MTUS2: variants seen among roughly 807,000 people sequenced by gnomAD.
MTUS2 encodes microtubule-associated tumor suppressor candidate 2.
Under a neutral mutation model 114.1 loss-of-function variants are expected in MTUS2, and 40 were observed. The observed-to-expected ratio is 0.35, with a 90% CI of 0.27 to 0.46. The LOEUF is 0.46. Among genes scored for constraint, MTUS2 ranks in the 20% least tolerant of loss-of-function variants. MTUS2 has a pLI of 1.00. For missense variants in MTUS2, 1,679 were observed against 1,705.4 expected, an observed-to-expected ratio of 0.98 and a Z score of 0.27; for synonymous variants, 688 against 672.0, an observed-to-expected ratio of 1.02 and a Z score of -0.37.
At chr13:29,296,401 G>A (rs181268751) in intron 6 of MTUS2, among the ~76,000 whole-genome samples, 30 of 151,982 alleles carry the variant, frequency 2.0e-4, no homozygotes, top group Admixed American at 6.5e-5. Context: ...TGTAGAGATG[G>A]GGTCTTGCTA....
intron 2 of MTUS2, among the ~76,000 whole-genome samples, chr13:28,843,827 C>T (rs189289798): frequency 5.3e-4 from 81 of 152,252 alleles, no homozygotes; most frequent in African/African-American, 1.8e-3. Context: ...GGCACTGTGT[C>T]GTCTTTGGAA....
intron 5 of MTUS2, among the ~76,000 whole-genome samples, chr13:29,122,474 T>C (rs997604229): frequency 6.6e-6 from 1 of 152,062 alleles, no homozygotes; most frequent in African/African-American, 2.4e-5. Flanking sequence ...AACCATCAGA[T>C]CTCGTGAGAA....
intron 2 of MTUS2, among the ~76,000 whole-genome samples, chr13:28,890,682 G>C (rs1878866874): frequency 6.6e-6 from 1 of 152,142 alleles, no homozygotes; most frequent in Admixed American, 6.5e-5. Flanking sequence ...CTTACAATTA[G>C]ATTTTATTAG....
intron 5 of MTUS2, among the ~76,000 whole-genome samples, chr13:29,140,085 G>A (rs1194557866): frequency 6.6e-6 from 1 of 152,194 alleles, no homozygotes; most frequent in African/African-American, 2.4e-5. Flanking sequence ...GGCTGCTACA[G>A]ATGTCATTTA....
chr13:29,482,956 C>G (rs1023007926), intron 10 of MTUS2, among the ~76,000 whole-genome samples: 1 of 152,176 alleles, frequency 6.6e-6, no homozygotes, highest in Non-Finnish European at 1.5e-5. Context: ...AAATGCACCC[C>G]AGGCCAACAG....
At chr13:28,995,011 C>A (rs1239212425) in intron 2 of MTUS2, among the ~76,000 whole-genome samples, 15 of 152,262 alleles carry the variant, frequency 9.9e-5, no homozygotes, top group Admixed American at 9.8e-4. Flanking sequence ...CCTAGGTTTT[C>A]TTCTAGGGTT....
chr13:29,271,325 A>T (rs894507363), intron 5 of MTUS2, among the ~76,000 whole-genome samples: 2 of 152,110 alleles, frequency 1.3e-5, no homozygotes, highest in African/African-American at 4.8e-5. Flanking sequence ...TCTTCCATCT[A>T]TCTTTCTTCC....
chr13:28,961,530 C>T (rs917443785), intron 2 of MTUS2, among the ~76,000 whole-genome samples: 7 of 152,260 alleles, frequency 4.6e-5, no homozygotes, highest in African/African-American at 7.2e-5. Context: ...TTCCTTCCCA[C>T]CATTTGGCTA....
At chr13:29,067,245 A>AG (rs1040433991) in intron 4 of MTUS2, among the ~76,000 whole-genome samples, 2 of 152,004 alleles carry the variant, frequency 1.3e-5, no homozygotes, top group Non-Finnish European at 2.9e-5. Context: ...ATTCAGAGAG[A>AG]GGGGGGAGGA....
chr13:29,270,737 C>A (rs1186820494), intron 5 of MTUS2, among the ~76,000 whole-genome samples: 1 of 152,172 alleles, frequency 6.6e-6, no homozygotes, highest in Non-Finnish European at 1.5e-5. Context: ...TCACAAGGCC[C>A]TTTCTGTCGA....
At chr13:29,066,776 T>A (rs1338008769) in intron 4 of MTUS2, among the ~76,000 whole-genome samples, 3 of 152,250 alleles carry the variant, frequency 2.0e-5, no homozygotes, top group African/African-American at 7.2e-5. Context: ...TATAAAGAGA[T>A]AAATCAGTAA....
chr13:29,203,096 T>G (rs1277711985), intron 5 of MTUS2, among the ~76,000 whole-genome samples: 1 of 152,256 alleles, frequency 6.6e-6, no homozygotes, highest in Non-Finnish European at 1.5e-5. Context: ...TTAAGTCTAC[T>G]GAAGCTGCAC....
chr13:28,974,658 GA>G (rs1280068055), intron 2 of MTUS2, among the ~76,000 whole-genome samples: 1 of 152,156 alleles, frequency 6.6e-6, no homozygotes, highest in Non-Finnish European at 1.5e-5. Flanking sequence ...AATGAATGAT[GA>G]AAACATACAG....
chr13:29,402,473 AC>A (rs1321020512), intron 8 of MTUS2, among the ~76,000 whole-genome samples: 1 of 152,160 alleles, frequency 6.6e-6, no homozygotes, highest in Non-Finnish European at 1.5e-5. Context: ...GAGATAAAAG[AC>A]TACAGAGATA....
intron 8 of MTUS2, among the ~76,000 whole-genome samples, chr13:29,390,878 G>T (rs1873394625): frequency 6.6e-6 from 1 of 151,476 alleles, no homozygotes; most frequent in Non-Finnish European, 1.5e-5. Flanking sequence ...TGCCTCCCAG[G>T]TTCAAGCAAT....
At chr13:29,073,701 A>C (rs1425953243) in intron 4 of MTUS2, among the ~76,000 whole-genome samples, 11 of 152,112 alleles carry the variant, frequency 7.2e-5, no homozygotes, top group Non-Finnish European at 1.5e-5. Context: ...TCTGGGGCTC[A>C]CTTTGCTGAT....
intron 2 of MTUS2, among the ~76,000 whole-genome samples, chr13:28,883,541 A>G (rs1415833772): frequency 6.6e-6 from 1 of 152,228 alleles, no homozygotes; most frequent in Non-Finnish European, 1.5e-5. Context: ...AAAAAAAGCC[A>G]ATATAAAAAG....
chr13:29,222,011 C>T (rs568536603), intron 5 of MTUS2, among the ~76,000 whole-genome samples: 1 of 152,260 alleles, frequency 6.6e-6, no homozygotes, highest in South Asian at 2.1e-4. Flanking sequence ...TTTATAGGCA[C>T]CATCATAGCA....
At chr13:29,022,404 G>C (rs1005491573) in intron 2 of MTUS2, among the ~76,000 whole-genome samples, 1 of 152,156 alleles carries the variant, frequency 6.6e-6, no homozygotes, top group Admixed American at 6.5e-5. Context: ...GGGTTTTGCT[G>C]TGTTGCCAAG....
Sources: allele counts gnomAD v4.1 joint callset (sites outside exome capture counted in the v4.1 genomes callset), GRCh38; gene constraint gnomAD v4.1.1; transcripts MANE v1.5; gene names NCBI Gene and HGNC (gene_info 2026-07-23, HGNC 2026-07-21).